The following TNRC6A variants were observed in gnomAD, a reference collection of about 807,000 sequenced individuals.
The protein encoded by TNRC6A is trinucleotide repeat containing adaptor 6A, also known as trinucleotide repeat-containing gene 6A protein.
Under a neutral mutation model 221.2 loss-of-function variants are expected in TNRC6A, and 44 were observed. The observed-to-expected ratio is 0.20, with a 90% CI of 0.16 to 0.26. The LOEUF (loss-of-function observed/expected upper bound fraction) is 0.26, where lower values mean the gene tolerates loss of function less well. Among genes scored for constraint, TNRC6A ranks in the 10% least tolerant of loss-of-function variants. TNRC6A has a pLI of 1.00. For missense variants in TNRC6A, 2,199 were observed against 2,404.4 expected (o/e 0.91, Z 1.79); for synonymous variants, 847 against 838.5 (o/e 1.01, Z -0.18).
At chr16:24,661,983 C>G (rs763016245) in intron 2 of TNRC6A, 1 of 151,948 alleles carries the variant, frequency 6.6e-6, no homozygotes, top group Admixed American at 6.6e-5. Context: ...ACTCCTAGAG[C>G]CCAGGAATTC....
intron 2 of TNRC6A, among the ~76,000 whole-genome samples, chr16:24,710,543 G>T (rs1423157889): frequency 6.6e-6 from 1 of 152,154 alleles, no homozygotes; most frequent in Non-Finnish European, 1.5e-5. Context: ...GCAGCACAGG[G>T]CTAATGCTGT....
At chr16:24,727,693 GA>G (rs1283234564), upstream of TNRC6A, among the ~76,000 whole-genome samples, 2 of 152,128 alleles carry the variant, frequency 1.3e-5, no homozygotes, top group Non-Finnish European at 2.9e-5. Context: ...ATGTTGTTGT[GA>G]AAAATTATTC....
At chr16:24,756,373 C>A (rs2057251300) in intron 3 of TNRC6A, among the ~76,000 whole-genome samples, 1 of 152,162 alleles carries the variant, frequency 6.6e-6, no homozygotes. Flanking sequence ...GGTCTCCAGA[C>A]CAGCCCGCAA....
chr16:24,818,499 A>T, intron 20 of TNRC6A, 94 bp from the exon 21 acceptor site: 1 of 923,330 alleles, frequency 1.1e-6, no homozygotes, highest in Non-Finnish European at 1.8e-6. Context: ...TTCTTGTGGC[A>T]TACTGTTAGC....
chr16:24,685,251 C>G (rs1324350205), intron 2 of TNRC6A, among the ~76,000 whole-genome samples: 4 of 152,190 alleles, frequency 2.6e-5, no homozygotes. Context: ...TCACAACAAT[C>G]TTTCAAGGTA....
intron 4 of TNRC6A, among the ~76,000 whole-genome samples, chr16:24,763,490 A>C (rs979372039): frequency 6.6e-6 from 1 of 151,926 alleles, no homozygotes; most frequent in African/African-American, 2.4e-5. Flanking sequence ...TAAACAGAGC[A>C]CCTCTTTACT....
At chr16:24,697,813 G>A (rs1003191285) in intron 2 of TNRC6A, among the ~76,000 whole-genome samples, 3 of 151,946 alleles carry the variant, frequency 2.0e-5, no homozygotes, top group East Asian at 1.9e-4. Flanking sequence ...AGGCCAAGGC[G>A]GGTGGATCAC....
chr16:24,749,755 G>T (rs150367910), intron 2 of TNRC6A, among the ~76,000 whole-genome samples: 2 of 152,112 alleles, frequency 1.3e-5, no homozygotes, highest in South Asian at 2.1e-4. Context: ...ACACATTTGC[G>T]CAGTCTGTCA....
chr16:24,821,864 A>G lies in TNRC6A; in HGVS notation c.5303-213A>G, dbSNP rs1233988621. On this transcript the variant is annotated intron_variant, in intron 22 of 24. Transcript: ENST00000395799. ...CTGTGGTGAACTGGGAGCCATTCTG[A>G]GCTCACTGTCGCCAGAGGCAGAGCC... 8 of 576,740 alleles carry G rather than the reference A, an allele frequency of 1.4e-5. No individual in the cohort carries two copies. In the East Asian group the frequency reaches 2.0e-4, roughly 14 times the overall value. 35.7% of individuals were successfully genotyped at this position (576,740 alleles called of 1,614,324 possible).
rs556978157 is a variant in TNRC6A, at chr16:24,712,867, G to T, written n.403-37859G>T. ...CTCCTGGGCTCAAGGGCTCCTCCCA[G>T]CTCAGCCTCTTGAGAATTTGGGGCC... On this transcript the variant is annotated intron_variant and non_coding_transcript_variant, in intron 2 of 2. Transcript: ENST00000566108. 7.1e-4 allele frequency among the ~76,000 whole-genome samples: 108 copies of T among 151,480 alleles called. 1 individual carries two copies. The highest frequency in any genetic ancestry group is 7.0e-3 in the Admixed American group (106 of 15,162).
At chr16:24,691,821 G>C (rs1183931639) in intron 2 of TNRC6A, among the ~76,000 whole-genome samples, 3 of 151,880 alleles carry the variant, frequency 2.0e-5, no homozygotes, top group African/African-American at 2.4e-5. Flanking sequence ...AAGGAAAGAA[G>C]GACAGACATC....
intron 23 of TNRC6A, among the ~76,000 whole-genome samples, chr16:24,822,517 T>TG (rs758124757): frequency 4.6e-5 from 7 of 152,134 alleles, no homozygotes; most frequent in Non-Finnish European, 8.8e-5. Context: ...TCTTAGCCCC[T>TG]GGCCTGCGCC....
At chr16:24,650,675 A>G (rs536707483) in intron 2 of TNRC6A, among the ~76,000 whole-genome samples, 1 of 151,958 alleles carries the variant, frequency 6.6e-6, no homozygotes, top group African/African-American at 2.4e-5. Flanking sequence ...AAAAAAAAAA[A>G]AAGAAAGAAA....
rs149487660 is a variant in TNRC6A at position 24,768,259 on chromosome 16, G to A, written c.164-8674G>A. On this transcript the variant is annotated intron_variant, in intron 4 of 24. Coordinates refer to ENST00000395799, the MANE Select transcript of TNRC6A (RefSeq NM_014494.4). ...ATCCTGGCTAACACGGTGAAACCCC[G>A]TCTCTACTAAAAACACAAAAAATTA... is the stretch of plus-strand genomic sequence containing the variant. 6.8e-4 allele frequency among the ~76,000 whole-genome samples: 104 copies of A among 151,994 alleles called. No homozygotes were observed. In the East Asian group the frequency reaches 0.016, roughly 23 times the overall value.
intron 2 of TNRC6A, chr16:24,665,129 G>A (rs1032425201): frequency 2.1e-5 from 8 of 381,412 alleles, no homozygotes; most frequent in Admixed American, 2.8e-5. Context: ...GCAGTGGTTC[G>A]TGCAATCATA....
At position 24,729,804 on chromosome 16, in the gene TNRC6A, C is replaced by T. The variant is rs1427260765; in HGVS notation, c.-38C>T. ...CGGAGGGCTTGAGGCTCGCGAGCCT[C>T]CTTCGCCGCGCCCCACTTGCTCGTG... On this transcript the variant is annotated 5_prime_UTR_variant, in exon 1 of 25. Coordinates refer to ENST00000395799, the MANE Select transcript of TNRC6A (RefSeq NM_014494.4). 2.1e-6 allele frequency: 3 copies of T among 1,408,262 alleles called. No individual in the cohort carries two copies. The African/African-American group carries it at 4.5e-5, about 21-fold the overall frequency. 87.2% of individuals were successfully genotyped at this position (1,408,262 alleles called of 1,614,324 possible).
chr16:24,641,823 G>A (rs1322955728), intron 2 of TNRC6A, among the ~76,000 whole-genome samples: 1 of 151,940 alleles, frequency 6.6e-6, no homozygotes, highest in African/African-American at 2.4e-5. Context: ...CATTGGTCTG[G>A]GCATTTGGAA....
At chr16:24,796,716 G>A (rs1339990830) in intron 9 of TNRC6A, among the ~76,000 whole-genome samples, 1 of 146,806 alleles carries the variant, frequency 6.8e-6, no homozygotes, top group African/African-American at 2.6e-5. Flanking sequence ...ACAGTCAGAA[G>A]GAATGGACAG....
intron 8 of TNRC6A, 29 bp downstream of exon 8, chr16:24,794,748 A>C (rs2058183079): frequency 3.8e-6 from 6 of 1,575,658 alleles, no homozygotes; most frequent in Non-Finnish European, 5.1e-6. Flanking sequence ...AAGCCCTTGA[A>C]ACTTTAAATT....
Sources: gnomAD v4.1 joint callset for allele counts (sites outside exome capture counted in the v4.1 genomes callset) on GRCh38, gnomAD v4.1.1 for gene constraint, MANE v1.5 for transcripts, NCBI Gene and HGNC (gene_info 2026-07-23, HGNC 2026-07-21) for gene names.